USP15: variants seen among roughly 807,000 people sequenced by gnomAD.
The protein encoded by USP15 is ubiquitin specific peptidase 15, also known as ubiquitin carboxyl-terminal hydrolase 15.
Under a neutral mutation model 127.1 loss-of-function variants are expected in USP15, and 18 were observed. The ratio of observed to expected loss-of-function variants is 0.14; its 90% CI spans 0.10 to 0.21. The LOEUF (loss-of-function observed/expected upper bound fraction) is 0.21, where lower values mean the gene tolerates loss of function less well. Among genes scored for constraint, USP15 ranks in the 10% least tolerant of loss-of-function variants. The probability of loss-of-function intolerance (pLI) is 1.00; values close to 1 mark genes in which losing one functional copy is unlikely to be tolerated. For missense variants in USP15, 805 were observed against 1,159.9 expected (o/e 0.69, Z 4.44); for synonymous variants, 364 against 393.7 (o/e 0.92, Z 0.89).
intron 5 of USP15, among the ~76,000 whole-genome samples, chr12:62,322,797 T>C (rs1396994836): frequency 2.0e-5 from 3 of 152,196 alleles, no homozygotes; most frequent in Admixed American, 6.5e-5. Flanking sequence ...GTACCTACTC[T>C]TCCACCATCT....
chr12:62,383,733 G>A (rs1273489524), intron 9 of USP15, 107 bp from the exon 10 acceptor site: 3 of 1,265,062 alleles, frequency 2.4e-6, no homozygotes, highest in African/African-American at 3.0e-5. Flanking sequence ...TAGAAAGCAG[G>A]CAAATTCACA....
rs1404968557 is a variant in USP15, at chr12:62,316,246, C to G, written c.475+1330C>G. 2.0e-5 allele frequency among the ~76,000 whole-genome samples: 3 copies of G among 146,462 alleles called. No homozygotes were observed. The East Asian group carries it at 6.0e-4, about 29-fold the overall frequency. ...GTTGCAGTGGGCCGAAACCGTACCT[C>G]TGTACTCTAGCCTGGCAACAGAGTG... On this transcript the variant is annotated intron_variant, in intron 4 of 21. Coordinates refer to ENST00000280377, the MANE Select transcript of USP15 (RefSeq NM_001252078.2).
At chr12:62,349,125 A>G (rs921473029) in intron 6 of USP15, 96 bp from the exon 7 acceptor site, 1 of 705,480 alleles carries the variant, frequency 1.4e-6, no homozygotes, top group Non-Finnish European at 2.1e-6. Flanking sequence ...TTCAGCATTC[A>G]TTTACTACAA....
intron 20 of USP15, 65 bp downstream of exon 20, chr12:62,396,463 TA>T: frequency 7.5e-7 from 1 of 1,325,494 alleles, no homozygotes; most frequent in Non-Finnish European, 1.1e-6. Flanking sequence ...CTTTTTTCTT[TA>T]AGATATTTAT....
intron 1 of USP15, among the ~76,000 whole-genome samples, chr12:62,285,925 G>T (rs1188622859): frequency 6.6e-6 from 1 of 151,880 alleles, no homozygotes; most frequent in African/African-American, 2.4e-5. Context: ...CTTTTCTTCT[G>T]CATCCTTGCC....
At chr12:62,275,454 A>G (rs2063465778) in intron 1 of USP15, among the ~76,000 whole-genome samples, 3 of 151,980 alleles carry the variant, frequency 2.0e-5, no homozygotes, top group Admixed American at 6.6e-5. Context: ...TAATAGATAT[A>G]TAAAATTATG....
At chr12:62,379,873 A>G (rs1041689818) in intron 8 of USP15, among the ~76,000 whole-genome samples, 4 of 152,060 alleles carry the variant, frequency 2.6e-5, no homozygotes, top group African/African-American at 9.7e-5. Context: ...GTTTATAATT[A>G]AAAGGACATA....
At chr12:62,348,082 G>A (rs1592641642) in intron 6 of USP15, among the ~76,000 whole-genome samples, 1 of 151,980 alleles carries the variant, frequency 6.6e-6, no homozygotes, top group Admixed American at 6.6e-5. Flanking sequence ...GGTGGCACAC[G>A]CCTATAGTTT....
intron 5 of USP15, among the ~76,000 whole-genome samples, chr12:62,323,415 T>G (rs1387296765): frequency 6.6e-6 from 1 of 152,206 alleles, no homozygotes; most frequent in Non-Finnish European, 1.5e-5. Flanking sequence ...AAATTAATTT[T>G]TAGTAAATGC....
At chr12:62,313,526 C>T (rs1012982886) in intron 3 of USP15, among the ~76,000 whole-genome samples, 9 of 151,424 alleles carry the variant, frequency 5.9e-5, no homozygotes, top group Non-Finnish European at 1.2e-4. Context: ...CTATTGAGCC[C>T]CAGTATAGAA....
chr12:62,383,430 G>A (rs1007636736), intron 9 of USP15, among the ~76,000 whole-genome samples: 2 of 151,860 alleles, frequency 1.3e-5, no homozygotes, highest in Non-Finnish European at 2.9e-5. Flanking sequence ...TCTCCATAAA[G>A]CACATCACAG....
chr12:62,355,617 A>G lies in USP15; in HGVS notation c.915+142A>G, dbSNP rs1188792537. 1.4e-5 allele frequency: 13 copies of G among 928,566 alleles called. 1 individual carries two copies. The highest frequency in any genetic ancestry group is 2.0e-5 in the Non-Finnish European group (13 of 651,258). The allele number at this position is 928,566 out of a possible 1,614,324, so 57.5% of individuals were successfully genotyped here. A position where few individuals can be genotyped will look rare whatever the true frequency, so the allele number is the denominator to read the frequency against. On this transcript the variant is annotated intron_variant, in intron 8 of 21. Transcript: ENST00000280377. ...TGGAAGATTTAAGCATACATATTTG[A>G]CTTATTCATTCTACTACTGGTAGTG...
At chr12:62,284,258 C>T (rs1356292661) in intron 1 of USP15, among the ~76,000 whole-genome samples, 1 of 152,140 alleles carries the variant, frequency 6.6e-6, no homozygotes, top group Non-Finnish European at 1.5e-5. Flanking sequence ...GCGAAGAAAG[C>T]AAGTCGAATG....
At chr12:62,377,781 C>T (rs2066875340) in intron 8 of USP15, among the ~76,000 whole-genome samples, 1 of 151,258 alleles carries the variant, frequency 6.6e-6, no homozygotes, top group African/African-American at 2.4e-5. Flanking sequence ...ACATTGAATA[C>T]TGATATAACA....
intron 3 of USP15, chr12:62,303,342 A>G (rs1471481548): frequency 6.5e-6 from 1 of 152,722 alleles, no homozygotes; most frequent in Admixed American, 6.5e-5. Flanking sequence ...AAATTTTTTA[A>G]ACTTGAAAAT....
chr12:62,375,638 T>C (rs896216417), intron 8 of USP15, among the ~76,000 whole-genome samples: 4 of 152,140 alleles, frequency 2.6e-5, no homozygotes, highest in Non-Finnish European at 5.9e-5. Context: ...TTGAAATAAG[T>C]GTTTAAGAAT....
At chr12:62,273,391 G>T (rs1565806349) in intron 1 of USP15, among the ~76,000 whole-genome samples, 1 of 152,066 alleles carries the variant, frequency 6.6e-6, no homozygotes, top group East Asian at 1.9e-4. Context: ...AAGGGACCTT[G>T]GCTGTTTTGC....
chr12:62,287,325 A>T lies in USP15; in HGVS notation c.90-6854A>T, dbSNP rs116835694. On this transcript the variant is annotated intron_variant, in intron 1 of 21. Transcript: ENST00000280377. ...TGTACCCCCTGAATCTAATATTTAA[A>T]ATAAAATTTAAAATTTTTTAAAACG... Among the ~76,000 whole-genome samples, 410 of 152,304 alleles carry T rather than the reference A, an allele frequency of 2.7e-3. 2 individuals carry two copies. Among genetic ancestry groups the T allele is most frequent in the African/African-American group, 8.9e-3 (370 of 41,570 alleles).
At chr12:62,334,385 T>A (rs2065396004) in intron 6 of USP15, among the ~76,000 whole-genome samples, 1 of 152,180 alleles carries the variant, frequency 6.6e-6, no homozygotes, top group Admixed American at 6.6e-5. Flanking sequence ...AAATATTATA[T>A]GTAAAAGTAA....
Sources: allele counts gnomAD v4.1 joint callset (sites outside exome capture counted in the v4.1 genomes callset), GRCh38; gene constraint gnomAD v4.1.1; transcripts MANE v1.5; gene names NCBI Gene and HGNC (gene_info 2026-07-23, HGNC 2026-07-21).